The following SYBU variants were observed in gnomAD, a reference collection of about 807,000 sequenced individuals.
SYBU encodes syntabulin, also known as GOLSYN A protein.
A neutral mutation model predicts 35.9 loss-of-function variants in SYBU; 21 were observed. The observed-to-expected ratio is 0.58, with a 90% CI of 0.41 to 0.84. The LOEUF is 0.84. Among genes scored for constraint, SYBU ranks in the 40% least tolerant of loss-of-function variants. The pLI, the probability that SYBU is intolerant of heterozygous loss-of-function variation, is 0.00. For missense variants in SYBU, 768 were observed against 848.2 expected (o/e 0.91, Z 1.17); for synonymous variants, 319 against 324.3 (o/e 0.98, Z 0.18).
intron 1 of SYBU, among the ~76,000 whole-genome samples, chr8:109,654,157 A>G (rs1816264354): frequency 6.6e-6 from 1 of 152,150 alleles, no homozygotes; most frequent in South Asian, 2.1e-4. Flanking sequence ...AAGCTCTCAT[A>G]TATTTCTAGT....
chr8:109,689,989 A>T (rs1488758425), intron 1 of SYBU, among the ~76,000 whole-genome samples: 1 of 152,158 alleles, frequency 6.6e-6, no homozygotes, highest in Non-Finnish European at 1.5e-5. Flanking sequence ...TCAGTGCATC[A>T]GCATTTATGA....
intron 2 of SYBU, among the ~76,000 whole-genome samples, chr8:109,632,696 C>A (rs1006936207): frequency 1.2e-4 from 18 of 152,038 alleles, no homozygotes; most frequent in Admixed American, 1.3e-4. Flanking sequence ...AAAATATAGT[C>A]TAATTCCAGT....
intron 1 of SYBU, among the ~76,000 whole-genome samples, chr8:109,671,140 T>C (rs1056320787): frequency 2.0e-5 from 3 of 152,176 alleles, no homozygotes; most frequent in Non-Finnish European, 4.4e-5. Flanking sequence ...CCCATAATAA[T>C]TCTTTCAGAA....
chr8:109,668,460 T>A (rs1213985704), intron 1 of SYBU, among the ~76,000 whole-genome samples: 3 of 152,184 alleles, frequency 2.0e-5, no homozygotes, highest in Admixed American at 2.0e-4. Flanking sequence ...ATTTCAAAGG[T>A]AATTTAACTA....
intron 3 of SYBU, among the ~76,000 whole-genome samples, chr8:109,610,523 A>C (rs1330441478): frequency 7.9e-5 from 12 of 152,228 alleles, no homozygotes; most frequent in Non-Finnish European, 1.6e-4. Flanking sequence ...GTTGGAATAC[A>C]AGCCTATTGC....
chr8:109,638,277 G>A (rs1814452667), intron 2 of SYBU, among the ~76,000 whole-genome samples: 2 of 152,186 alleles, frequency 1.3e-5, no homozygotes, highest in South Asian at 4.1e-4. Context: ...GGTGACTGAT[G>A]TATGTGCCTG....
chr8:109,647,817 A>G (rs1191684424), upstream of SYBU: 1 of 152,238 alleles, frequency 6.6e-6, no homozygotes, highest in Admixed American at 6.5e-5. Flanking sequence ...GAGGCTGTGC[A>G]GTAGCCTTGC....
At chr8:109,626,106 G>A (rs181131943) in intron 2 of SYBU, among the ~76,000 whole-genome samples, 2 of 152,260 alleles carry the variant, frequency 1.3e-5, no homozygotes, top group African/African-American at 2.4e-5. Flanking sequence ...TCAAGTCCTT[G>A]ATAATTTTTC....
chr8:109,676,200 G>A (rs534385447), intron 1 of SYBU, among the ~76,000 whole-genome samples: 4 of 152,228 alleles, frequency 2.6e-5, no homozygotes, highest in Admixed American at 1.3e-4. Context: ...GGGAAAAGCT[G>A]GAAGCATTTC....
chr8:109,656,862 T>G (rs1177892816), intron 1 of SYBU, among the ~76,000 whole-genome samples: 1 of 152,134 alleles, frequency 6.6e-6, no homozygotes. Flanking sequence ...CCAAATACTA[T>G]TATTTATTTT....
intron 2 of SYBU, among the ~76,000 whole-genome samples, chr8:109,625,572 T>A (rs568769816): frequency 6.6e-6 from 1 of 152,150 alleles, no homozygotes; most frequent in East Asian, 1.9e-4. Context: ...CAGGCTTAGG[T>A]CACTGTGTTC....
At chr8:109,677,557 A>C (rs1031642823) in intron 1 of SYBU, among the ~76,000 whole-genome samples, 5 of 152,220 alleles carry the variant, frequency 3.3e-5, no homozygotes, top group African/African-American at 4.8e-5. Context: ...TCATTGCCTT[A>C]AGGTTAACTT....
In SYBU at chr8:109,575,523, C is replaced by G. The variant is rs755804798; in HGVS notation, c.1375G>C (p.Val459Leu). The change falls in exon 7 of 7, where the codon GTG (valine) becomes CTG (leucine). Residue 459 changes from valine (V) to leucine (L), a missense_variant. Coordinates refer to ENST00000276646, the MANE Select transcript of SYBU (RefSeq NM_001099754.2). ...TTTESGDLEL[V>L]HSTPGANVLE... Reference sequence around the variant, plus strand: ...ACGTTAGCCCCAGGGGTGGAATGCACAAGCTCCAGGTCACCAGATTCTGTG... The same window carrying G: ...ACGTTAGCCCCAGGGGTGGAATGCAGAAGCTCCAGGTCACCAGATTCTGTG... 34 of 1,614,050 alleles carry G rather than the reference C, an allele frequency of 2.1e-5. No individual in the cohort carries two copies. Among genetic ancestry groups the G allele is most frequent in the African/African-American group, 4.0e-5 (3 of 74,922 alleles).
chr8:109,589,327 T>C (rs1237826498), intron 3 of SYBU, among the ~76,000 whole-genome samples: 1 of 152,210 alleles, frequency 6.6e-6, no homozygotes, highest in African/African-American at 2.4e-5. Context: ...TAAATAAAGA[T>C]GATACTCATA....
At chr8:109,608,075 T>G (rs1380824675) in intron 3 of SYBU, 1 of 852,550 alleles carries the variant, frequency 1.2e-6, no homozygotes. Flanking sequence ...GCCTTCTGCA[T>G]GTGCAGGGCA....
chr8:109,627,346 G>T (rs1813103442), intron 2 of SYBU, among the ~76,000 whole-genome samples: 1 of 152,052 alleles, frequency 6.6e-6, no homozygotes, highest in Non-Finnish European at 1.5e-5. Context: ...TGGCATTTTT[G>T]AAGATAGTTT....
intron 2 of SYBU, among the ~76,000 whole-genome samples, chr8:109,630,971 A>C (rs763507316): frequency 5.3e-5 from 8 of 152,186 alleles, no homozygotes; most frequent in Non-Finnish European, 1.2e-4. Context: ...CACGGAGGAA[A>C]ATCTTTCCTA....
chr8:109,623,107 T>G (rs1228922826), intron 2 of SYBU, among the ~76,000 whole-genome samples: 1 of 152,228 alleles, frequency 6.6e-6, no homozygotes, highest in Non-Finnish European at 1.5e-5. Context: ...TTATTCAAAG[T>G]AGGTATAACT....
chr8:109,593,403 G>A (rs1471084489), intron 3 of SYBU, among the ~76,000 whole-genome samples: 1 of 152,132 alleles, frequency 6.6e-6, no homozygotes, highest in Non-Finnish European at 1.5e-5. Flanking sequence ...TACCCCCACG[G>A]CTCTCCAGAA....
Sources: gnomAD v4.1 joint callset for allele counts (sites outside exome capture counted in the v4.1 genomes callset) on GRCh38, gnomAD v4.1.1 for gene constraint, MANE v1.5 for transcripts, NCBI Gene and HGNC (gene_info 2026-07-23, HGNC 2026-07-21) for gene names.